The following PPP2R2B variants were observed in gnomAD, a reference collection of about 807,000 sequenced individuals.
PPP2R2B encodes serine/threonine-protein phosphatase 2A 55 kDa regulatory subunit B beta isoform.
A neutral mutation model predicts 46.0 loss-of-function variants in PPP2R2B; 5 were observed. The ratio of observed to expected loss-of-function variants is 0.11; its 90% CI spans 0.06 to 0.23. PPP2R2B has a LOEUF of 0.23. Ranked by LOEUF, PPP2R2B falls within the 10% of genes least tolerant of loss-of-function variation. The probability of loss-of-function intolerance (pLI) is 1.00; values close to 1 mark genes in which losing one functional copy is unlikely to be tolerated. For missense variants in PPP2R2B, 367 were observed against 575.0 expected (o/e 0.64, Z 3.70); for synonymous variants, 215 against 206.7 (o/e 1.04, Z -0.34).
intron 1 of PPP2R2B, among the ~76,000 whole-genome samples, chr5:147,026,285 A>C (rs1441360329): frequency 2.0e-5 from 3 of 152,198 alleles, no homozygotes. Flanking sequence ...ACTTCTCAGC[A>C]ATAAAAAGAT....
At position 146,676,861 on chromosome 5, in the gene PPP2R2B, A is replaced by G. The variant is rs147190566; in HGVS notation, c.447+14267T>C. ...ATAGCAAGAAACCGAGGTGGTGCTT[A>G]TGTTCTTAATTGGTTTGACCGTCAA... On this transcript the variant is annotated intron_variant, in intron 5 of 9. Coordinates refer to ENST00000394411, the MANE Select transcript of PPP2R2B (RefSeq NM_181675.4). 2.6e-5 allele frequency among the ~76,000 whole-genome samples: 4 copies of G among 152,244 alleles called. No individual in the cohort carries two copies. In the East Asian group the frequency reaches 5.8e-4, roughly 22 times the overall value.
intron 1 of PPP2R2B, among the ~76,000 whole-genome samples, chr5:146,958,956 A>C (rs1037974925): frequency 6.6e-6 from 1 of 152,332 alleles, no homozygotes; most frequent in Non-Finnish European, 1.5e-5. Context: ...TTTAGTAAGT[A>C]GTTGGAGGTG....
At chr5:146,769,024 T>C (rs1754673773) in intron 2 of PPP2R2B, among the ~76,000 whole-genome samples, 1 of 152,070 alleles carries the variant, frequency 6.6e-6, no homozygotes, top group South Asian at 2.1e-4. Context: ...AAAGCAGGTA[T>C]GTGCCACCAT....
At chr5:146,738,395 CA>C (rs58520511) in intron 2 of PPP2R2B, among the ~76,000 whole-genome samples, 341 of 85,828 alleles carry the variant, frequency 4.0e-3, no homozygotes, top group South Asian at 0.011. Context: ...GACTCAGTCT[CA>C]AAAAAAAAAA....
At chr5:146,728,461 G>A (rs1752019638) in intron 2 of PPP2R2B, among the ~76,000 whole-genome samples, 1 of 152,092 alleles carries the variant, frequency 6.6e-6, no homozygotes, top group Non-Finnish European at 1.5e-5. Context: ...TACATGCTCA[G>A]AGTCACAGAG....
chr5:146,625,084 G>C (rs927793828), intron 7 of PPP2R2B, among the ~76,000 whole-genome samples: 1 of 152,218 alleles, frequency 6.6e-6, no homozygotes, highest in Non-Finnish European at 1.5e-5. Context: ...AACATTCGTT[G>C]AATAAATAAG....
chr5:146,860,234 A>G (rs1760904713), intron 2 of PPP2R2B, among the ~76,000 whole-genome samples: 1 of 152,128 alleles, frequency 6.6e-6, no homozygotes, highest in Non-Finnish European at 1.5e-5. Flanking sequence ...TTAAGTATAC[A>G]TTTTCCCTGG....
At chr5:146,820,246 G>T (rs564649644) in intron 2 of PPP2R2B, among the ~76,000 whole-genome samples, 1 of 152,132 alleles carries the variant, frequency 6.6e-6, no homozygotes, top group Non-Finnish European at 1.5e-5. Context: ...GAGGTGATAT[G>T]TTAATTACCC....
At chr5:147,026,862 T>C (rs1004357134) in intron 1 of PPP2R2B, among the ~76,000 whole-genome samples, 2 of 152,144 alleles carry the variant, frequency 1.3e-5, no homozygotes, top group Admixed American at 6.5e-5. Context: ...GTAACTACTT[T>C]GGAAAATAGT....
intron 2 of PPP2R2B, among the ~76,000 whole-genome samples, chr5:146,860,196 C>T (rs1173344111): frequency 6.6e-6 from 1 of 152,164 alleles, no homozygotes; most frequent in African/African-American, 2.4e-5. Context: ...TCCACACAAA[C>T]AGGTAAAACA....
At chr5:146,659,245 A>G (rs1168000710) in intron 5 of PPP2R2B, among the ~76,000 whole-genome samples, 1 of 152,218 alleles carries the variant, frequency 6.6e-6, no homozygotes, top group Non-Finnish European at 1.5e-5. Context: ...TAAACTGCCA[A>G]TGTTTAAAAT....
At chr5:146,942,730 T>C (rs1764359837) in intron 1 of PPP2R2B, among the ~76,000 whole-genome samples, 2 of 152,184 alleles carry the variant, frequency 1.3e-5, no homozygotes, top group Middle Eastern at 3.2e-3. Flanking sequence ...TTATGAATAT[T>C]TCTATGTTCT....
At chr5:146,825,374 C>T (rs1487851883) in intron 2 of PPP2R2B, among the ~76,000 whole-genome samples, 1 of 152,184 alleles carries the variant, frequency 6.6e-6, no homozygotes, top group African/African-American at 2.4e-5. Context: ...ATAGTATCTC[C>T]TAGTATTCTG....
intron 1 of PPP2R2B, among the ~76,000 whole-genome samples, chr5:147,032,477 A>AC (rs1755831923): frequency 6.6e-6 from 1 of 152,082 alleles, no homozygotes; most frequent in Non-Finnish European, 1.5e-5. Context: ...TACACTCTGC[A>AC]CCATATTTAT....
chr5:146,827,848 A>C (rs1335681617), intron 2 of PPP2R2B, among the ~76,000 whole-genome samples: 1 of 152,142 alleles, frequency 6.6e-6, no homozygotes, highest in Non-Finnish European at 1.5e-5. Context: ...AGGAAAGGGG[A>C]TCATGGAGAA....
chr5:146,977,077 A>T (rs1448092481), intron 1 of PPP2R2B, among the ~76,000 whole-genome samples: 1 of 152,148 alleles, frequency 6.6e-6, no homozygotes, highest in African/African-American at 2.4e-5. Flanking sequence ...GTCATCCTTG[A>T]GTGCCTTCAT....
chr5:146,968,651 GT>G (rs1752540917), intron 1 of PPP2R2B, among the ~76,000 whole-genome samples: 1 of 152,216 alleles, frequency 6.6e-6, no homozygotes, highest in Non-Finnish European at 1.5e-5. Flanking sequence ...ACGCTTTAAA[GT>G]TTAATCTGCA....
Position 146,592,973 on chromosome 5 carries a change from G to A in PPP2R2B, c.1050C>T (p.Asp350=). 1 of 1,608,308 alleles carries A rather than the reference G, an allele frequency of 6.2e-7. No individual in the cohort carries two copies. The highest frequency in any genetic ancestry group is 1.1e-5 in the South Asian group (1 of 90,954). ...TTCAGCCACAGAGCCTTTCTTACCT[G>A]TCTGACCCATTCCACACACACTCAA... The part of the protein sequence containing the change: ...DKFECVWNGS[D]SVIMTGSYNN... The change falls in exon 9 of 10, where the codon GAC becomes GAT. Residue 350 remains aspartate, a splice_region_variant and synonymous_variant. Transcript: ENST00000394411.
At chr5:146,960,540 A>G (rs1383800304) in intron 1 of PPP2R2B, among the ~76,000 whole-genome samples, 67 of 152,224 alleles carry the variant, frequency 4.4e-4, no homozygotes, top group Middle Eastern at 3.4e-3. Context: ...CACCCGCCTC[A>G]GCCTCCCAAA....
Sources: gnomAD v4.1 joint callset for allele counts (sites outside exome capture counted in the v4.1 genomes callset) on GRCh38, gnomAD v4.1.1 for gene constraint, MANE v1.5 for transcripts, NCBI Gene and HGNC (gene_info 2026-07-23, HGNC 2026-07-21) for gene names.